RECQL4: variants seen among roughly 807,000 people sequenced by gnomAD.
RECQL4 encodes the protein ATP-dependent DNA helicase Q4.
In RECQL4, 158 loss-of-function variants were observed where a neutral mutation model predicts 128.6. The ratio of observed to expected loss-of-function variants is 1.23; its 90% CI spans 1.08 to 1.40. The LOEUF is 1.40. Among genes scored for constraint, RECQL4 ranks in the 40% most tolerant of loss-of-function variants. RECQL4 has a pLI of 0.00. For synonymous variants in RECQL4, 996 were observed against 678.9 expected (o/e 1.47, Z -7.26); for missense variants, 2,293 against 1,649.8 (o/e 1.39, Z -6.75).
At position 144,517,080 on chromosome 8, in the gene RECQL4, C is replaced by T. The variant is rs767645925; in HGVS notation, c.324G>A (p.Arg108=). ...RQGSVPDYGQ[R]LKANLKGTLQ... ...GGGTGCCTTTCAGATTGGCCTTGAG[C>T]CGCTGCCCGTAGTCCGGCACCGAGC... Residue 108 remains arginine, a synonymous_variant, in exon 4 of 21, where the codon CGG becomes CGA. Transcript: ENST00000617875. 7 of 1,612,082 alleles carry T rather than the reference C, an allele frequency of 4.3e-6. No homozygotes were observed. In the East Asian group the frequency reaches 1.6e-4, roughly 36 times the overall value.
Position 144,512,745 on chromosome 8 carries a change from C to G in RECQL4, c.2782G>C (p.Glu928Gln). The change falls in exon 16 of 21, where the codon GAG becomes CAG. Residue 928 changes from glutamate to glutamine, a missense_variant. Physicochemically the swap from Glu to Gln is conservative, Grantham distance 29 (BLOSUM62 2). Transcript: ENST00000617875. ...EAIETLLCYLELHPHHWLELL... is the reference protein window; with the variant it reads ...EAIETLLCYLQLHPHHWLELL... ...TCCAGCCAGTGGTGTGGGTGCAGCT[C>G]CAGGTAGCACAGCAAAGTCTCGATG... The G allele has an allele frequency of 6.2e-7, 1 of 1,612,132 alleles. No individual in the cohort carries two copies.
chr8:144,511,667 C>A lies in RECQL4; in HGVS notation c.3502+14G>T, dbSNP rs1827228699. On this transcript the variant is annotated intron_variant, in intron 20 of 20. Transcript: ENST00000617875. ...AGCCCCAGCCTGCAGCGGGTGGGGC[C>A]TCCCAGGCCTCACCGATGCCGTGGA... 1 of 1,611,640 alleles carries A rather than the reference C, an allele frequency of 6.2e-7. No homozygotes were observed. Among genetic ancestry groups the A allele is most frequent in the African/African-American group, 1.3e-5 (1 of 75,038 alleles).
chr8:144,516,679 G>A lies in RECQL4; in HGVS notation c.440C>T (p.Pro147Leu), dbSNP rs759034699. The A allele has an allele frequency of 5.1e-6, 8 of 1,579,862 alleles. No homozygotes were observed. The highest frequency in any genetic ancestry group is 4.5e-5 in the East Asian group (2 of 44,576). Reference sequence around the variant, plus strand: ...GACTTTTTCTGCAAAGGAGGGGACAGGCCCTGTACCTGGGGGCTTTGGGGT... The same window carrying A: ...GACTTTTTCTGCAAAGGAGGGGACAAGCCCTGTACCTGGGGGCTTTGGGGT... ...ASTPKPPGTGPVPSFAEKVSD... is the reference protein window; with the variant it reads ...ASTPKPPGTGLVPSFAEKVSD... Residue 147 changes from proline (P) to leucine (L), a missense_variant, in exon 5 of 21, where the codon CCT becomes CTT. By Grantham distance (98) the Pro-to-Leu change is moderately conservative. Coordinates refer to ENST00000617875, the MANE Select transcript of RECQL4 (RefSeq NM_004260.4).
chr8:144,515,469 A>G lies in RECQL4; in HGVS notation c.1259-12T>C, dbSNP rs539767366. 26 of 1,612,534 alleles carry G rather than the reference A, an allele frequency of 1.6e-5. No individual in the cohort carries two copies. In the South Asian group the frequency reaches 2.6e-4, roughly 16 times the overall value. On this transcript the variant is annotated splice_polypyrimidine_tract_variant and intron_variant, in intron 6 of 20. Transcript: ENST00000617875. ...GTCTTCCTCACTTGCTGGGGCAGGC[A>G]GGAGAGGGTAGAATGGGAGCTCCAG...
In RECQL4 at chr8:144,516,186, G is replaced by A. The variant is rs1456293772; in HGVS notation, c.933C>T (p.Cys311=). The stretch of plus-strand genomic sequence containing the variant: ...GGTACCTGGGGTTCGATGGGCTGCT[G>A]CAGGGCTGAGGTGGCTGTGCCTGTA... ...EPVQAQPPQP[C]SSPSNPRYHG... The change falls in exon 5 of 21, where the codon TGC becomes TGT. Residue 311 remains cysteine, a synonymous_variant. Transcript: ENST00000617875. The A allele has an allele frequency of 6.2e-7, 1 of 1,613,462 alleles. No homozygotes were observed. The highest frequency in any genetic ancestry group is 8.5e-7 in the Non-Finnish European group (1 of 1,179,872).
At chr8:144,517,012 T>C (rs1381891634) in intron 4 of RECQL4, 38 bp downstream of exon 4, 2 of 1,586,412 alleles carry the variant, frequency 1.3e-6, no homozygotes, top group East Asian at 4.5e-5. Context: ...GAAGCAGCTG[T>C]GGACCTAGCG....
At position 144,516,447 on chromosome 8, in the gene RECQL4, C is replaced by T; in HGVS notation, c.672G>A (p.Glu224=). 6.2e-7 allele frequency: 1 copy of T among 1,608,908 alleles called. No individual in the cohort carries two copies. The highest frequency in any genetic ancestry group is 8.5e-7 in the Non-Finnish European group (1 of 1,179,778). The change falls in exon 5 of 21, where the codon GAG becomes GAA. Residue 224 remains glutamate, a synonymous_variant. Transcript: ENST00000617875. The part of the protein sequence containing the change: ...SEESQLLIPG[E]SAVLGPGAGS... ...CAGCACCAGGACCAAGGACAGCCGA[C>T]TCACCAGGGATCAGAAGTTGTGATT...
At position 144,512,958 on chromosome 8, in the gene RECQL4, C is replaced by T. The variant is rs771434161; in HGVS notation, c.2644G>A (p.Ala882Thr). The change falls in exon 15 of 21, where the codon GCT (alanine) becomes ACT (threonine). Residue 882 changes from alanine (A) to threonine (T), a missense_variant. Coordinates refer to ENST00000617875, the MANE Select transcript of RECQL4 (RefSeq NM_004260.4). ...RPVPKYPPQE[A>T]EQLSHQAAPG... ...GCTGCTTGGTGGCTAAGCTGCTCAG[C>T]CTCTTGAGGGGGGTACTTGGGCACA... 6 of 1,573,088 alleles carry T rather than the reference C, an allele frequency of 3.8e-6. No homozygotes were observed. In the South Asian group the frequency reaches 7.0e-5, roughly 18 times the overall value.
rs767917998 is a variant in RECQL4 at position 144,514,169 on chromosome 8, C to T, written c.1878+20G>A. The stretch of plus-strand genomic sequence containing the variant: ...CCCATCCCGGCCCTGGCCGCCCACC[C>T]CAGTTCACATATGGCTCACCTTGCA... On this transcript the variant is annotated intron_variant, in intron 11 of 20. Coordinates refer to ENST00000617875, the MANE Select transcript of RECQL4 (RefSeq NM_004260.4). 1.2e-6 allele frequency: 2 copies of T among 1,611,722 alleles called. No homozygotes were observed. The highest frequency in any genetic ancestry group is 2.7e-5 in the African/African-American group (2 of 74,798).
chr8:144,516,602 G>A lies in RECQL4; in HGVS notation c.517C>T (p.Gln173Ter), dbSNP rs373180788. Reference protein sequence around the residue: ...PEPQPRPGRLQHLQASLSQRL... With the variant: ...PEPQPRPGRL ...TGGCTCAGGGATGCCTGCAGATGCT[G>A]GAGCCGGCCTGGCCTTGGCTGGGGC... The change falls in exon 5 of 21, where the codon CAG becomes TAG. Residue 173 changes from glutamine to a stop codon, truncating the protein, a stop_gained. Transcript: ENST00000617875. LOFTEE classifies it high-confidence loss of function. The A allele has an allele frequency of 6.2e-7, 1 of 1,610,814 alleles. No individual in the cohort carries two copies. Among genetic ancestry groups the A allele is most frequent in the African/African-American group, 1.3e-5 (1 of 75,038 alleles).
chr8:144,511,655 A>AGTGGGTGGG, intron 20 of RECQL4, 26 bp downstream of exon 20: 1 of 1,608,014 alleles, frequency 6.2e-7, no homozygotes, highest in Non-Finnish European at 8.5e-7. Context: ...CCCAGCCTGC[A>AGTGGGTGGG]GCGGGTGGGG....
rs751329011 is a variant in RECQL4 at position 144,516,691 on chromosome 8, G to T, written c.428C>A (p.Pro143Gln). The change falls in exon 5 of 21, where the codon CCA (proline) becomes CAA (glutamine). Residue 143 changes from proline to glutamine, a missense_variant. Physicochemically the swap from Pro to Gln is moderately conservative, Grantham distance 76. Transcript: ENST00000617875. ...AAAGGAGGGGACAGGCCCTGTACCT[G>T]GGGGCTTTGGGGTGGATGCCTTAGA... ...ASSKASTPKP[P>Q]GTGPVPSFAE... 1 of 1,561,314 alleles carries T rather than the reference G, an allele frequency of 6.4e-7. No homozygotes were observed. Among genetic ancestry groups the T allele is most frequent in the Non-Finnish European group, 8.7e-7 (1 of 1,155,394 alleles).
At chr8:144,513,765 T>TGGGGAGTGAGGAGGGGGCGGCGTGG (rs1827711020) in intron 12 of RECQL4, 53 bp from the exon 13 acceptor site, 1 of 767,764 alleles carries the variant, frequency 1.3e-6, no homozygotes, top group African/African-American at 3.6e-5. Flanking sequence ...GGTCGGCGTG[T>TGGGGAGTGAGGAGGGGGCGGCGTGG]GCAGTGGGGA....
At chr8:144,517,305 C>A (rs535562377) in intron 3 of RECQL4, 109 bp downstream of exon 3, 3 of 1,488,682 alleles carry the variant, frequency 2.0e-6, no homozygotes, top group South Asian at 1.3e-5. Context: ...TTTGCCCAGT[C>A]CCCCTCCCAA....
intron 9 of RECQL4, 52 bp downstream of exon 9, chr8:144,514,884 A>AC: frequency 6.3e-7 from 1 of 1,596,114 alleles, no homozygotes; most frequent in Non-Finnish European, 8.5e-7. Context: ...CTTGGGAGTC[A>AC]CAAGTGCTGG....
In RECQL4 at chr8:144,516,419, A is replaced by G. The variant is rs1815010378; in HGVS notation, c.700T>C (p.Ser234Pro). ...AAGGCTGAAGCCTCTGGGCCCTGGG[A>G]GCCAGCACCAGGACCAAGGACAGCC... The part of the protein sequence containing the change: ...ESAVLGPGAG[S>P]QGPEASAFQE... The change falls in exon 5 of 21, where the codon TCC becomes CCC. Residue 234 changes from serine to proline, a missense_variant. Ser to Pro is a moderately conservative substitution (Grantham distance 74). Coordinates refer to ENST00000617875, the MANE Select transcript of RECQL4 (RefSeq NM_004260.4). 2 of 1,609,158 alleles carry G rather than the reference A, an allele frequency of 1.2e-6. No homozygotes were observed. Among genetic ancestry groups the G allele is most frequent in the Non-Finnish European group, 1.7e-6 (2 of 1,179,682 alleles).
rs201661055 is a variant in RECQL4 at position 144,513,057 on chromosome 8, C to T, written c.2545G>A (p.Val849Met). 4.9e-5 allele frequency: 78 copies of T among 1,578,360 alleles called. No homozygotes were observed. Among genetic ancestry groups the T allele is most frequent in the African/African-American group, 3.8e-4 (28 of 74,214 alleles). Residue 849 changes from valine to methionine, a missense_variant, in exon 15 of 21, where the codon GTG (valine) becomes ATG (methionine). By Grantham distance (21) the Val-to-Met change is conservative. Transcript: ENST00000617875. ...CAGGTGCAGGTGCAGGCTGGGAACACGCGCTGTACCAGCCTCTTCACAGCC... is the reference window on the plus strand; with the variant it reads ...CAGGTGCAGGTGCAGGCTGGGAACATGCGCTGTACCAGCCTCTTCACAGCC... ...FLAVKRLVQR[V>M]FPACTCTCTR...
rs1246094808 is a variant in RECQL4, at chr8:144,515,819, C to G, written c.1203G>C (p.Glu401Asp). Residue 401 changes from glutamate (E) to aspartate (D), a missense_variant, in exon 6 of 21, where the codon GAG becomes GAC. Transcript: ENST00000617875. Reference sequence around the variant, plus strand: ...CGAACTGCTCGTTCAGGAAACAAGACTCCTTGGTTGTGACTGTGGCACCAC... The same window carrying G: ...CGAACTGCTCGTTCAGGAAACAAGAGTCCTTGGTTGTGACTGTGGCACCAC... ...GGGGATVTTK[E>D]SCFLNEQFDH... is the part of the protein sequence containing the mutation. 2 of 1,612,900 alleles carry G rather than the reference C, an allele frequency of 1.2e-6. No individual in the cohort carries two copies. The highest frequency in any genetic ancestry group is 1.7e-6 in the Non-Finnish European group (2 of 1,179,794).
Position 144,516,023 on chromosome 8 carries a change from C to T in RECQL4, c.1096G>A (p.Gly366Ser), listed in dbSNP as rs763114749. ...LNMKQKHYVR[G>S]RALRSRLLRK... ...AGGAGCCTGCTACGGAGTGCCCGGC[C>T]CCGCACGTAGTGTTTCTGCTTCATG... The change falls in exon 5 of 21, where the codon GGC (glycine) becomes AGC (serine). Residue 366 changes from glycine to serine, a missense_variant. Physicochemically the swap from Gly to Ser is moderately conservative, Grantham distance 56. Transcript: ENST00000617875. 1 of 1,611,262 alleles carries T rather than the reference C, an allele frequency of 6.2e-7. No homozygotes were observed. Among genetic ancestry groups the T allele is most frequent in the Non-Finnish European group, 8.5e-7 (1 of 1,178,736 alleles).
Sources: gnomAD v4.1 joint callset for allele counts on GRCh38, gnomAD v4.1.1 for gene constraint, MANE v1.5 for transcripts, NCBI Gene and HGNC (gene_info 2026-07-23, HGNC 2026-07-21) for gene names.